Variants in ANK3 observed in about 807,000 individuals in gnomAD.
ANK3 encodes ankyrin-3.
Under a neutral mutation model 370.9 loss-of-function variants are expected in ANK3, and 57 were observed. The ratio of observed to expected loss-of-function variants is 0.15; its 90% CI spans 0.12 to 0.19. The LOEUF is 0.19. Among genes scored for constraint, ANK3 ranks in the 10% least tolerant of loss-of-function variants. ANK3 has a pLI of 1.00. For synonymous variants in ANK3, 1,929 were observed against 1,946.3 expected (o/e 0.99, Z 0.23); for missense variants, 4,439 against 5,302.1 (o/e 0.84, Z 5.06).
At chr10:60,063,304 A>C in intron 39 of ANK3, 50 bp from the exon 40 acceptor site, 1 of 1,550,810 alleles carries the variant, frequency 6.4e-7, no homozygotes, top group Non-Finnish European at 8.7e-7. Flanking sequence ...ATGTTCTTTC[A>C]GTCAGCACAA....
chr10:60,132,190 T>C (rs139114407), intron 25 of ANK3, among the ~76,000 whole-genome samples: 1,657 of 152,294 alleles, frequency 0.011, 16 homozygotes, highest in Middle Eastern at 0.037. Flanking sequence ...AGTTTCATTA[T>C]TTGAGACAAG....
chr10:60,361,629 A>T (rs7083556), intron 1 of ANK3, among the ~76,000 whole-genome samples: 63,528 of 152,030 alleles, frequency 0.42, 13,576 homozygotes, highest in Middle Eastern at 0.52. Flanking sequence ...AGTCAGGGAT[A>T]TCATTCATTG....
chr10:60,086,569 A>T, intron 30 of ANK3, 108 bp downstream of exon 30: 1 of 922,398 alleles, frequency 1.1e-6, no homozygotes, highest in Non-Finnish European at 1.6e-6. Context: ...ATTTTCTCTT[A>T]TAATGTTGGC....
intron 2 of ANK3, among the ~76,000 whole-genome samples, chr10:60,577,095 T>G (rs1028199453): frequency 6.6e-6 from 1 of 152,194 alleles, no homozygotes; most frequent in African/African-American, 2.4e-5. Context: ...GGTTTTGGTA[T>G]TTACTTTGCA....
At chr10:60,650,826 G>A (rs2078778104) in intron 1 of ANK3, among the ~76,000 whole-genome samples, 2 of 152,304 alleles carry the variant, frequency 1.3e-5, no homozygotes, top group East Asian at 1.9e-4. Flanking sequence ...GCTCATGCCT[G>A]TAATCCCAGT....
At chr10:60,104,479 T>C (rs2091896693) in intron 28 of ANK3, among the ~76,000 whole-genome samples, 1 of 151,564 alleles carries the variant, frequency 6.6e-6, no homozygotes, top group African/African-American at 2.4e-5. Flanking sequence ...GGAATAACCT[T>C]AGATATGTTA....
rs753530487 is a variant in ANK3, at chr10:60,074,045, G to C, written c.6836C>G (p.Ala2279Gly). Reference sequence around the variant, plus strand: ...GGAAGGATCCCGCCCGGACTGAAAGGCCTTCATGATGTCATGGACTGACAT... The same window carrying C: ...GGAAGGATCCCGCCCGGACTGAAAGCCCTTCATGATGTCATGGACTGACAT... The part of the protein sequence containing the change: ...ETMSVHDIMK[A>G]FQSGRDPSKE... Residue 2279 changes from alanine (A) to glycine (G), a missense_variant, in exon 37 of 44, where the codon GCC (alanine) becomes GGC (glycine). This residue lies in a region of ANK3 where 1,601 missense variants were observed against 1,731.7 expected (regional missense o/e 0.92). Transcript: ENST00000280772. 1 of 1,614,060 alleles carries C rather than the reference G, an allele frequency of 6.2e-7. No homozygotes were observed. Among genetic ancestry groups the C allele is most frequent in the Admixed American group, 1.7e-5 (1 of 60,018 alleles).
At chr10:60,078,871 C>T (rs1334687496) in intron 36 of ANK3, among the ~76,000 whole-genome samples, 4 of 152,190 alleles carry the variant, frequency 2.6e-5, no homozygotes, top group Admixed American at 6.5e-5. Flanking sequence ...CTTCGCTCCT[C>T]TTCTACCAAA....
intron 2 of ANK3, among the ~76,000 whole-genome samples, chr10:60,531,412 G>A (rs746759657): frequency 2.6e-4 from 39 of 152,024 alleles, no homozygotes; most frequent in Admixed American, 7.9e-4. Flanking sequence ...AATATCTCTG[G>A]AAAGATACAC....
At chr10:60,134,022 A>G (rs2094219638) in intron 25 of ANK3, among the ~76,000 whole-genome samples, 1 of 152,210 alleles carries the variant, frequency 6.6e-6, no homozygotes, top group Admixed American at 6.5e-5. Context: ...AGAGAAGAGA[A>G]AGGTAACTAC....
At position 60,073,316 on chromosome 10, in the gene ANK3, A is replaced by T; in HGVS notation, c.7565T>A (p.Val2522Asp). 2 of 1,614,054 alleles carry T rather than the reference A, an allele frequency of 1.2e-6. No homozygotes were observed. Among genetic ancestry groups the T allele is most frequent in the Non-Finnish European group, 1.7e-6 (2 of 1,180,006 alleles). ...CACTTTACCTACACCATTTTCAGAA[A>T]CATCTTTATAGATTTTGGAGAGAAT... ...KEILSKIYKD[V>D]SENGVGKVSK... is the part of the protein sequence containing the mutation. Residue 2522 changes from valine to aspartate, a missense_variant, in exon 37 of 44, where the codon GTT becomes GAT. This residue lies in a region of ANK3 where 1,601 missense variants were observed against 1,731.7 expected (regional missense o/e 0.92). Transcript: ENST00000280772.
intron 2 of ANK3, among the ~76,000 whole-genome samples, chr10:60,458,714 G>T (rs780293810): frequency 7.9e-5 from 12 of 152,222 alleles, no homozygotes; most frequent in Middle Eastern, 3.4e-3. Flanking sequence ...CATAGCAATG[G>T]ATAGTTTAAG....
chr10:60,219,682 G>A (rs944469401), intron 8 of ANK3, among the ~76,000 whole-genome samples: 1 of 152,132 alleles, frequency 6.6e-6, no homozygotes, highest in African/African-American at 2.4e-5. Flanking sequence ...TCCCCAACTT[G>A]AAGATCCCTG....
intron 1 of ANK3, among the ~76,000 whole-genome samples, chr10:60,710,910 C>T (rs2079695692): frequency 1.3e-5 from 2 of 152,316 alleles, no homozygotes; most frequent in South Asian, 2.1e-4. Flanking sequence ...GCAAATTCAG[C>T]CTTCCTCTGC....
At chr10:60,358,206 A>G (rs1216070389) in intron 1 of ANK3, among the ~76,000 whole-genome samples, 1 of 152,040 alleles carries the variant, frequency 6.6e-6, no homozygotes, top group Non-Finnish European at 1.5e-5. Flanking sequence ...GCATTTCACC[A>G]TAAAATGCTC....
rs757906806 is a variant in ANK3 at position 60,072,003 on chromosome 10, T to C, written c.8878A>G (p.Ile2960Val). 5 of 1,614,108 alleles carry C rather than the reference T, an allele frequency of 3.1e-6. No homozygotes were observed. Among genetic ancestry groups the C allele is most frequent in the East Asian group, 2.2e-5 (1 of 44,874 alleles). Residue 2960 changes from isoleucine to valine, a missense_variant, in exon 37 of 44, where the codon ATT becomes GTT. Physicochemically the swap from Ile to Val is conservative, Grantham distance 29. Coordinates refer to ENST00000280772, the MANE Select transcript of ANK3 (RefSeq NM_020987.5). ...CTCTCATCAGCAACTCTGACGGGAA[T>C]GTGTGACACTGCTGAGCTCTCGCTC... is the stretch of plus-strand genomic sequence containing the variant. ...RRSESSAVSH[I>V]PVRVADERRM...
chr10:60,642,697 G>A (rs966612573), intron 1 of ANK3, among the ~76,000 whole-genome samples: 3 of 152,040 alleles, frequency 2.0e-5, no homozygotes, highest in African/African-American at 7.2e-5. Flanking sequence ...GTTAATGGGT[G>A]CAGCACACCA....
chr10:60,103,251 C>A (rs2091623355), intron 28 of ANK3, among the ~76,000 whole-genome samples: 1 of 149,784 alleles, frequency 6.7e-6, no homozygotes, highest in Non-Finnish European at 1.5e-5. Flanking sequence ...TGCACCCGGC[C>A]TATTTGTCTT....
In ANK3 at chr10:60,027,042, T is replaced by C. The variant is rs1048871579; in HGVS notation, c.*2804A>G. 9.2e-5 allele frequency: 14 copies of C among 152,186 alleles called. No individual in the cohort carries two copies. The highest frequency in any genetic ancestry group is 3.4e-4 in the African/African-American group (14 of 41,458). 9.4% of individuals were successfully genotyped at this position (152,186 alleles called of 1,614,324 possible). On this transcript the variant is annotated 3_prime_UTR_variant, in exon 44 of 44. Coordinates refer to ENST00000280772, the MANE Select transcript of ANK3 (RefSeq NM_020987.5). ...TAAATCTTGAATGTCATATTTTGGA[T>C]ACTTCTGAGTAAACTTATGACCTCC...
Sources: allele counts gnomAD v4.1 joint callset (sites outside exome capture counted in the v4.1 genomes callset), GRCh38; gene constraint gnomAD v4.1.1; regional missense constraint gnomAD v4.1.1; transcripts MANE v1.5; gene names NCBI Gene and HGNC (gene_info 2026-07-23, HGNC 2026-07-21).